CSMD1: variants seen among roughly 807,000 people sequenced by gnomAD.
The protein encoded by CSMD1 is CUB and sushi domain-containing protein 1.
Under a neutral mutation model 417.5 loss-of-function variants are expected in CSMD1, and 213 were observed. The observed-to-expected ratio is 0.51, with a 90% CI of 0.46 to 0.57. The LOEUF (loss-of-function observed/expected upper bound fraction) is 0.57, where lower values mean the gene tolerates loss of function less well. CSMD1 is among the 20% of genes least tolerant of loss of function. CSMD1 has a pLI of 0.00. For synonymous variants in CSMD1, 2,862 were observed against 1,736.8 expected (o/e 1.65, Z -16.11); for missense variants, 6,923 against 4,529.7 (o/e 1.53, Z -15.17).
chr8:4,913,366 C>T (rs140933250), intron 1 of CSMD1, among the ~76,000 whole-genome samples: 1,867 of 152,202 alleles, frequency 0.012, 15 homozygotes, highest in African/African-American at 0.027. Flanking sequence ...ATGTTTCTGG[C>T]GGGGGACCAT....
At chr8:4,763,281 G>A (rs553446128) in intron 1 of CSMD1, among the ~76,000 whole-genome samples, 9 of 152,186 alleles carry the variant, frequency 5.9e-5, no homozygotes, top group Non-Finnish European at 8.8e-5. Context: ...AATTTCATGT[G>A]CTTTGTAGAT....
At chr8:3,901,582 G>C (rs1229733927) in intron 5 of CSMD1, among the ~76,000 whole-genome samples, 3 of 152,220 alleles carry the variant, frequency 2.0e-5, no homozygotes, top group African/African-American at 4.8e-5. Context: ...CATTCGGAGA[G>C]CCTTGGGGCT....
chr8:2,941,200 T>C (rs868078980), intron 69 of CSMD1, among the ~76,000 whole-genome samples: 1 of 152,174 alleles, frequency 6.6e-6, no homozygotes, highest in Non-Finnish European at 1.5e-5. Flanking sequence ...AGAAAGAACA[T>C]TACTAGCCAT....
chr8:3,467,780 A>G (rs1013270347), intron 12 of CSMD1, among the ~76,000 whole-genome samples: 1 of 152,166 alleles, frequency 6.6e-6, no homozygotes, highest in Non-Finnish European at 1.5e-5. Flanking sequence ...TTGTTGATTT[A>G]GGATTGGTGG....
chr8:3,054,583 A>C (rs1273799394), intron 49 of CSMD1, among the ~76,000 whole-genome samples: 1 of 152,098 alleles, frequency 6.6e-6, no homozygotes, highest in Admixed American at 6.6e-5. Flanking sequence ...ATGCCAGTGC[A>C]CTCCAGACTG....
chr8:3,709,598 G>C lies in CSMD1; in HGVS notation c.932-1107C>G, dbSNP rs551713247. Among the ~76,000 whole-genome samples, 1,340 of 149,656 alleles carry C rather than the reference G, an allele frequency of 9.0e-3. 13 individuals are homozygous for C. The highest frequency in any genetic ancestry group is 0.025 in the South Asian group (118 of 4,726). ...GTGGGCCTGGTCCAGTCAGATGAAG[G>C]CCCAAATAGAACAAAAGGCTGATCT... On this transcript the variant is annotated intron_variant, in intron 6 of 69. Coordinates refer to ENST00000635120, the MANE Select transcript of CSMD1 (RefSeq NM_033225.6).
chr8:4,529,707 G>C (rs1585208242), intron 2 of CSMD1, among the ~76,000 whole-genome samples: 1 of 151,886 alleles, frequency 6.6e-6, no homozygotes, highest in Admixed American at 6.6e-5. Flanking sequence ...TAGAATATGT[G>C]GCAATCCTAC....
At chr8:3,622,275 T>TGA (rs1207793799) in intron 7 of CSMD1, among the ~76,000 whole-genome samples, 1 of 152,192 alleles carries the variant, frequency 6.6e-6, no homozygotes, top group East Asian at 1.9e-4. Context: ...TCAAGCAAAA[T>TGA]CATTATTGCT....
chr8:3,678,020 G>A (rs533126552), intron 7 of CSMD1, among the ~76,000 whole-genome samples: 1 of 152,116 alleles, frequency 6.6e-6, no homozygotes, highest in Non-Finnish European at 1.5e-5. Flanking sequence ...TATCTTCAAA[G>A]CGTTCTGTCA....
intron 1 of CSMD1, among the ~76,000 whole-genome samples, chr8:4,910,990 G>C (rs575001448): frequency 7.2e-5 from 11 of 152,234 alleles, no homozygotes; most frequent in African/African-American, 2.4e-4. Context: ...GGTTCCATAA[G>C]GGGGAATTTC....
At chr8:4,404,974 A>G (rs1804907788) in intron 3 of CSMD1, among the ~76,000 whole-genome samples, 1 of 152,210 alleles carries the variant, frequency 6.6e-6, no homozygotes, top group Non-Finnish European at 1.5e-5. Context: ...CCGAGGCACA[A>G]GAGGATTAGT....
chr8:4,579,900 T>C (rs1416402989), intron 2 of CSMD1, among the ~76,000 whole-genome samples: 1 of 152,210 alleles, frequency 6.6e-6, no homozygotes, highest in South Asian at 2.1e-4. Context: ...TATAAGGGTA[T>C]AATTAAGTCT....
At chr8:4,346,142 A>G (rs1458299195) in intron 3 of CSMD1, among the ~76,000 whole-genome samples, 1 of 152,030 alleles carries the variant, frequency 6.6e-6, no homozygotes, top group South Asian at 2.1e-4. Context: ...TCTACTCCAA[A>G]CTCTCCATGC....
intron 5 of CSMD1, among the ~76,000 whole-genome samples, chr8:3,773,218 T>C (rs937548862): frequency 5.9e-5 from 9 of 152,176 alleles, no homozygotes; most frequent in South Asian, 2.1e-4. Flanking sequence ...ACTCACATAA[T>C]CTGTCACCAA....
At chr8:3,513,222 C>G (rs763864670) in intron 10 of CSMD1, among the ~76,000 whole-genome samples, 12 of 151,974 alleles carry the variant, frequency 7.9e-5, no homozygotes, top group Non-Finnish European at 1.6e-4. Flanking sequence ...AATCCTCCAA[C>G]TTTAATAAAT....
chr8:4,969,056 G>A (rs1223186659), intron 1 of CSMD1, among the ~76,000 whole-genome samples: 2 of 152,164 alleles, frequency 1.3e-5, no homozygotes, highest in African/African-American at 2.4e-5. Context: ...CATCCTGAAT[G>A]CCACCATGTA....
intron 30 of CSMD1, among the ~76,000 whole-genome samples, chr8:3,213,476 C>A (rs1403275155): frequency 6.6e-6 from 1 of 152,112 alleles, no homozygotes; most frequent in East Asian, 1.9e-4. Flanking sequence ...CAGTTCACAC[C>A]CACAGGGCAG....
chr8:4,372,670 G>A (rs773364881), intron 3 of CSMD1, among the ~76,000 whole-genome samples: 1 of 150,762 alleles, frequency 6.6e-6, no homozygotes, highest in South Asian at 2.1e-4. Flanking sequence ...AAGCCACATT[G>A]ATGCAGGCCT....
chr8:3,786,452 A>G (rs995315915), intron 5 of CSMD1, among the ~76,000 whole-genome samples: 1 of 152,160 alleles, frequency 6.6e-6, no homozygotes, highest in African/African-American at 2.4e-5. Context: ...CTGTAAAGCC[A>G]TAAATAAGGG....
Sources: gnomAD v4.1 joint callset for allele counts (sites outside exome capture counted in the v4.1 genomes callset) on GRCh38, gnomAD v4.1.1 for gene constraint, MANE v1.5 for transcripts, NCBI Gene and HGNC (gene_info 2026-07-23, HGNC 2026-07-21) for gene names.